The following ATRNL1 variants were observed in gnomAD, a reference collection of about 807,000 sequenced individuals.
ATRNL1 encodes the protein attractin like 1.
A neutral mutation model predicts 182.7 loss-of-function variants in ATRNL1; 95 were observed. The observed-to-expected ratio is 0.52, with a 90% confidence interval of 0.44 to 0.62. ATRNL1 has a LOEUF of 0.62. ATRNL1 is among the 20% of genes least tolerant of loss of function. The pLI, the probability that ATRNL1 is intolerant of heterozygous loss-of-function variation, is 0.00. For synonymous variants in ATRNL1, 576 were observed against 568.3 expected (o/e 1.01, Z -0.19); for missense variants, 1,471 against 1,679.5 (o/e 0.88, Z 2.17).
chr10:115,681,833 C>A (rs146055974), intron 26 of ATRNL1, among the ~76,000 whole-genome samples: 1 of 152,198 alleles, frequency 6.6e-6, no homozygotes, highest in East Asian at 1.9e-4. Context: ...TTTTGAGAAC[C>A]ACTGCTCTTG....
chr10:115,543,253 C>T (rs1470885769), intron 25 of ATRNL1, among the ~76,000 whole-genome samples: 2 of 152,170 alleles, frequency 1.3e-5, no homozygotes, highest in Non-Finnish European at 2.9e-5. Flanking sequence ...CCACATTCAG[C>T]CACTGGGCTT....
chr10:115,216,183 CT>C (rs1554896209), intron 9 of ATRNL1, among the ~76,000 whole-genome samples: 1 of 152,108 alleles, frequency 6.6e-6, no homozygotes, highest in Non-Finnish European at 1.5e-5. Context: ...AAATTTTCAC[CT>C]TTTGTTGTTA....
chr10:115,199,494 G>T (rs1848479031), intron 8 of ATRNL1, among the ~76,000 whole-genome samples: 1 of 152,036 alleles, frequency 6.6e-6, no homozygotes. Context: ...AACTTGGGCA[G>T]TGGGGGTTGC....
intron 27 of ATRNL1, among the ~76,000 whole-genome samples, chr10:115,770,183 A>G (rs1948954395): frequency 6.6e-6 from 1 of 152,116 alleles, no homozygotes; most frequent in South Asian, 2.1e-4. Flanking sequence ...ATAAGGAAGC[A>G]CAATAATGTA....
At chr10:115,785,751 A>G (rs1949381128) in intron 27 of ATRNL1, among the ~76,000 whole-genome samples, 1 of 152,200 alleles carries the variant, frequency 6.6e-6, no homozygotes, top group African/African-American at 2.4e-5. Flanking sequence ...TTTGCTTAAC[A>G]GTTTTTGCCT....
At chr10:115,464,760 T>G (rs1378738765) in intron 22 of ATRNL1, among the ~76,000 whole-genome samples, 1 of 151,796 alleles carries the variant, frequency 6.6e-6, no homozygotes, top group Non-Finnish European at 1.5e-5. Context: ...AAATAAAGAT[T>G]TAAGCCTCCT....
intron 26 of ATRNL1, among the ~76,000 whole-genome samples, chr10:115,716,767 G>A (rs1947264854): frequency 6.6e-6 from 1 of 152,050 alleles, no homozygotes; most frequent in African/African-American, 2.4e-5. Flanking sequence ...CACTCGTCAA[G>A]GTTGACTTGA....
chr10:115,640,988 A>G (rs1038175706), intron 26 of ATRNL1, among the ~76,000 whole-genome samples: 2 of 152,238 alleles, frequency 1.3e-5, no homozygotes, highest in South Asian at 4.1e-4. Flanking sequence ...TTTTCTGCAT[A>G]TGGCTAGCCA....
intron 19 of ATRNL1, among the ~76,000 whole-genome samples, chr10:115,365,827 G>A (rs1471816297): frequency 1.3e-5 from 2 of 152,276 alleles, no homozygotes; most frequent in African/African-American, 2.4e-5. Context: ...GTAGTTGAGC[G>A]ATTTTGAGTG....
intron 25 of ATRNL1, among the ~76,000 whole-genome samples, chr10:115,548,980 T>A (rs1351640514): frequency 1.3e-5 from 2 of 152,162 alleles, no homozygotes; most frequent in Non-Finnish European, 2.9e-5. Flanking sequence ...ACATAAAGGT[T>A]ATTTAATATG....
chr10:115,462,384 C>T (rs7901285), intron 22 of ATRNL1, among the ~76,000 whole-genome samples: 6 of 152,134 alleles, frequency 3.9e-5, no homozygotes, highest in Non-Finnish European at 7.4e-5. Flanking sequence ...GAGGCCAAGG[C>T]GGGCAGATCA....
At chr10:115,410,551 C>T (rs1554959661) in intron 20 of ATRNL1, among the ~76,000 whole-genome samples, 1 of 151,968 alleles carries the variant, frequency 6.6e-6, no homozygotes, top group South Asian at 2.1e-4. Context: ...GATCTCTTGA[C>T]CTCATGATCT....
intron 19 of ATRNL1, among the ~76,000 whole-genome samples, chr10:115,348,180 C>T (rs1432170787): frequency 1.3e-5 from 2 of 152,082 alleles, no homozygotes; most frequent in Non-Finnish European, 2.9e-5. Flanking sequence ...CACATGTTGG[C>T]CAGGCTGGTC....
chr10:115,336,978 T>TGGG (rs34446671), intron 19 of ATRNL1, among the ~76,000 whole-genome samples: 1 of 143,406 alleles, frequency 7.0e-6, no homozygotes, highest in Non-Finnish European at 1.5e-5. Flanking sequence ...CCCAAGTAGC[T>TGGG]GGGGGGGGGG....
chr10:115,621,976 G>A (rs1297880421), intron 26 of ATRNL1, among the ~76,000 whole-genome samples: 2 of 152,200 alleles, frequency 1.3e-5, no homozygotes, highest in African/African-American at 4.8e-5. Context: ...TGGCCTGAGA[G>A]GAGACTCACC....
In ATRNL1 at chr10:115,093,517, A is replaced by C; in HGVS notation, c.-234A>C. The C allele has an allele frequency of 3.1e-6, 2 of 652,366 alleles. No individual in the cohort carries two copies. The highest frequency in any genetic ancestry group is 3.3e-5 in the East Asian group (1 of 30,278). The allele number at this position is 652,366 out of a possible 1,614,324, so 40.4% of individuals were successfully genotyped here. On this transcript the variant is annotated 5_prime_UTR_variant, in exon 1 of 29. Coordinates refer to ENST00000355044, the MANE Select transcript of ATRNL1 (RefSeq NM_207303.4). The surrounding 1 kb of genome is among the most constrained non-coding windows in gnomAD (Gnocchi z 6.1). ...GCCGCGGCTGTGGGGTCGGCCCGCT[A>C]AGGACAAGGTCGGGAGACTGGGTGG...
At chr10:115,536,144 T>C (rs1407242902) in intron 25 of ATRNL1, among the ~76,000 whole-genome samples, 1 of 152,136 alleles carries the variant, frequency 6.6e-6, no homozygotes, top group Non-Finnish European at 1.5e-5. Context: ...TTCGAAGCTG[T>C]CAGACAGGGA....
intron 27 of ATRNL1, among the ~76,000 whole-genome samples, chr10:115,836,824 A>G (rs1950684638): frequency 6.6e-6 from 1 of 152,194 alleles, no homozygotes; most frequent in African/African-American, 2.4e-5. Flanking sequence ...TGAGGAAACA[A>G]CCAAGATCTG....
chr10:115,196,165 C>CTGAATGAATGAA (rs148624774), intron 8 of ATRNL1, among the ~76,000 whole-genome samples: 1,858 of 151,832 alleles, frequency 0.012, 38 homozygotes, highest in African/African-American at 0.043. Flanking sequence ...AACCCTGTGC[C>CTGAATGAATGAA]TGAATGAATG....
Sources: gnomAD v4.1 joint callset for allele counts (sites outside exome capture counted in the v4.1 genomes callset) on GRCh38, gnomAD v4.1.1 for gene constraint, Gnocchi (gnomAD v3.1) non-coding constraint, MANE v1.5 for transcripts, NCBI Gene and HGNC (gene_info 2026-07-23, HGNC 2026-07-21) for gene names.